IGSF21: variants seen among roughly 807,000 people sequenced by gnomAD.
IGSF21 encodes the protein immunoglobulin superfamily member 21.
Under a neutral mutation model 46.8 loss-of-function variants are expected in IGSF21, and 28 were observed. That is an observed-to-expected ratio of 0.60 (90% confidence interval 0.44 to 0.82). The LOEUF is 0.82. IGSF21 is among the 40% of genes least tolerant of loss of function. The pLI is 0.00. For missense variants in IGSF21, 624 were observed against 665.5 expected, an observed-to-expected ratio of 0.94 and a Z score of 0.69; for synonymous variants, 284 against 273.6, an observed-to-expected ratio of 1.04 and a Z score of -0.38.
At chr1:18,168,480 C>A (rs1190851068) in intron 1 of IGSF21, among the ~76,000 whole-genome samples, 2 of 152,202 alleles carry the variant, frequency 1.3e-5, no homozygotes, top group Non-Finnish European at 2.9e-5. Context: ...GTCATCGTCA[C>A]TTAGACAAGG....
At chr1:18,369,417 G>A (rs555162154) in intron 6 of IGSF21, among the ~76,000 whole-genome samples, 39 of 152,324 alleles carry the variant, frequency 2.6e-4, no homozygotes, top group African/African-American at 9.1e-4. Context: ...CATCTGAGAG[G>A]TGAGGGACTC....
At chr1:18,295,861 T>C (rs1450327181) in intron 3 of IGSF21, among the ~76,000 whole-genome samples, 1 of 152,156 alleles carries the variant, frequency 6.6e-6, no homozygotes, top group Non-Finnish European at 1.5e-5. Flanking sequence ...AGCCCCCTCG[T>C]CCCTCCAGGG....
In IGSF21 at chr1:18,116,975, G is replaced by A. The variant is rs561309872; in HGVS notation, c.70+8777G>A. On this transcript the variant is annotated intron_variant, in intron 1 of 9. Coordinates refer to ENST00000251296, the MANE Select transcript of IGSF21 (RefSeq NM_032880.5). ...TGCAGGTCCTGGTTGAGAAGCTGGG[G>A]AGGAGGATGGAGGAGTTGGCAGAGA... Among the ~76,000 whole-genome samples the A allele has an allele frequency of 2.0e-5, 3 of 152,212 alleles. No individual in the cohort carries two copies. In the South Asian group the frequency reaches 6.2e-4, roughly 31 times the overall value.
At chr1:18,259,403 C>A (rs947783720) in intron 2 of IGSF21, among the ~76,000 whole-genome samples, 6 of 152,164 alleles carry the variant, frequency 3.9e-5, no homozygotes, top group Non-Finnish European at 8.8e-5. Context: ...TAGTATTCCA[C>A]CCTGTCCCAG....
intron 1 of IGSF21, among the ~76,000 whole-genome samples, chr1:18,132,378 G>T (rs1400046972): frequency 6.6e-6 from 1 of 152,218 alleles, no homozygotes; most frequent in African/African-American, 2.4e-5. Flanking sequence ...TTGACTGTCA[G>T]ATTCCCATCA....
chr1:18,347,774 A>G (rs976798433), intron 4 of IGSF21, among the ~76,000 whole-genome samples: 3 of 152,170 alleles, frequency 2.0e-5, no homozygotes, highest in African/African-American at 7.2e-5. Flanking sequence ...TAGAGCTAGC[A>G]GACTGTCATC....
chr1:18,317,196 T>C (rs1174552294), intron 3 of IGSF21, among the ~76,000 whole-genome samples: 1 of 152,230 alleles, frequency 6.6e-6, no homozygotes, highest in East Asian at 1.9e-4. Context: ...GTTTTGTTCA[T>C]GCTAATTTTT....
At position 18,141,353 on chromosome 1, in the gene IGSF21, T is replaced by C. The variant is rs146370346; in HGVS notation, c.70+33155T>C. ...CAAAGTTTTGCCCACCTGCCAATGATGAAAAAGAGATAGGTTGACTTTAAA... is the reference window on the plus strand; with the variant it reads ...CAAAGTTTTGCCCACCTGCCAATGACGAAAAAGAGATAGGTTGACTTTAAA... On this transcript the variant is annotated intron_variant, in intron 1 of 9. Transcript: ENST00000251296. Among the ~76,000 whole-genome samples, 499 of 152,258 alleles carry C rather than the reference T, an allele frequency of 3.3e-3. 6 individuals carry two copies. The highest frequency in any genetic ancestry group is 0.011 in the South Asian group (53 of 4,818).
intron 2 of IGSF21, among the ~76,000 whole-genome samples, chr1:18,250,499 C>A (rs933334079): frequency 2.6e-5 from 4 of 152,154 alleles, no homozygotes; most frequent in Non-Finnish European, 4.4e-5. Context: ...GGCCACCCAC[C>A]CGTCACCCAT....
chr1:18,343,925 C>T (rs909565013), intron 4 of IGSF21, among the ~76,000 whole-genome samples: 10 of 152,132 alleles, frequency 6.6e-5, no homozygotes, highest in Admixed American at 2.0e-4. Flanking sequence ...TTCAGTTTCT[C>T]GACCTTTCCC....
At chr1:18,132,681 T>A (rs895499941) in intron 1 of IGSF21, among the ~76,000 whole-genome samples, 4 of 152,056 alleles carry the variant, frequency 2.6e-5, no homozygotes, top group Non-Finnish European at 5.9e-5. Context: ...AGTTGAAACC[T>A]CACTTCCAGG....
At chr1:18,212,821 C>T (rs971510561) in intron 1 of IGSF21, among the ~76,000 whole-genome samples, 1 of 151,312 alleles carries the variant, frequency 6.6e-6, no homozygotes, top group African/African-American at 2.4e-5. Context: ...TTCAGCTGTT[C>T]CTTGGATGCA....
At chr1:18,239,094 C>T (rs146392914) in intron 2 of IGSF21, among the ~76,000 whole-genome samples, 206 of 152,216 alleles carry the variant, frequency 1.4e-3, no homozygotes, top group Non-Finnish European at 1.3e-3. Flanking sequence ...TTGGGGCCTC[C>T]GAGCACATGG....
chr1:18,290,774 G>A lies in IGSF21; in HGVS notation c.184-1092G>A, dbSNP rs2085257371. Among the ~76,000 whole-genome samples the A allele has an allele frequency of 6.6e-6, 1 of 152,134 alleles. No homozygotes were observed. Among genetic ancestry groups the A allele is most frequent in the Admixed American group, 6.5e-5 (1 of 15,282 alleles). On this transcript the variant is annotated intron_variant, in intron 2 of 9. Coordinates refer to ENST00000251296, the MANE Select transcript of IGSF21 (RefSeq NM_032880.5). The surrounding 1 kb of genome is among the most constrained non-coding windows in gnomAD (Gnocchi z 4.2). ...CCTCACCTTTTTGCCTGGGGAAGCT[G>A]CTTTCAGCATCCCCCCTACCCCAGC...
Position 18,291,907 on chromosome 1 carries a change from C to T in IGSF21, c.225C>T (p.Phe75=), listed in dbSNP as rs779698727. The T allele has an allele frequency of 5.6e-6, 9 of 1,614,056 alleles. No individual in the cohort carries two copies. In the South Asian group the frequency reaches 8.8e-5, roughly 16 times the overall value. The stretch of plus-strand genomic sequence containing the variant: ...CCATCAAGCAAAAGATCTTCACCTT[C>T]GACGCCATGTTCTCCACCAACTACT... The part of the protein sequence containing the change: ...GGTIKQKIFT[F]DAMFSTNYSH... Residue 75 remains phenylalanine, a synonymous_variant, in exon 3 of 10, where the codon TTC becomes TTT. Coordinates refer to ENST00000251296, the MANE Select transcript of IGSF21 (RefSeq NM_032880.5).
Position 18,377,001 on chromosome 1 carries a change from C to G in IGSF21, c.1294+9C>G, listed in dbSNP as rs201039235. On this transcript the variant is annotated intron_variant, in intron 8 of 9. Transcript: ENST00000251296. ...CCGGCTCATCGTGTTTGGTATGGCG[C>G]GCTCAACTGGGGACTGGGAGAACAA... is the stretch of plus-strand genomic sequence containing the variant. The G allele has an allele frequency of 6.3e-7, 1 of 1,582,364 alleles. No individual in the cohort carries two copies. Among genetic ancestry groups the G allele is most frequent in the Non-Finnish European group, 8.6e-7 (1 of 1,158,036 alleles).
chr1:18,341,107 C>T (rs535921552), intron 4 of IGSF21, among the ~76,000 whole-genome samples: 2 of 149,498 alleles, frequency 1.3e-5, no homozygotes, highest in South Asian at 4.3e-4. Flanking sequence ...TCTCCTCCTC[C>T]CCCTCCTTCT....
At chr1:18,260,216 A>T (rs933095061) in intron 2 of IGSF21, among the ~76,000 whole-genome samples, 1 of 152,230 alleles carries the variant, frequency 6.6e-6, no homozygotes, top group Non-Finnish European at 1.5e-5. Flanking sequence ...TGGTCCGAGG[A>T]GAGTGAAAGC....
chr1:18,293,227 C>G (rs2085284109), intron 3 of IGSF21, among the ~76,000 whole-genome samples: 1 of 152,244 alleles, frequency 6.6e-6, no homozygotes, highest in Non-Finnish European at 1.5e-5. Context: ...GCCTGGCACA[C>G]AGTGGGTACA....
Sources: gnomAD v4.1 joint callset for allele counts (sites outside exome capture counted in the v4.1 genomes callset) on GRCh38, gnomAD v4.1.1 for gene constraint, Gnocchi (gnomAD v3.1) non-coding constraint, MANE v1.5 for transcripts, NCBI Gene and HGNC (gene_info 2026-07-23, HGNC 2026-07-21) for gene names.